Variants in ZFYVE28 observed in about 807,000 individuals in gnomAD.
ZFYVE28 encodes lateral signaling target protein 2 homolog.
Under a neutral mutation model 82.1 loss-of-function variants are expected in ZFYVE28, and 40 were observed. The ratio of observed to expected loss-of-function variants is 0.49; its 90% CI spans 0.38 to 0.63. The LOEUF (loss-of-function observed/expected upper bound fraction) is 0.63, where lower values mean the gene tolerates loss of function less well. Among genes scored for constraint, ZFYVE28 ranks in the 30% least tolerant of loss-of-function variants. ZFYVE28 has a pLI of 0.00. For synonymous variants in ZFYVE28, 612 were observed against 546.1 expected (o/e 1.12, Z -1.68); for missense variants, 1,321 against 1,242.1 (o/e 1.06, Z -0.96).
chr4:2,298,785 C>A (rs886963788), intron 8 of ZFYVE28, among the ~76,000 whole-genome samples: 9 of 152,346 alleles, frequency 5.9e-5, no homozygotes, highest in African/African-American at 2.2e-4. Context: ...AGCGCCCGGG[C>A]AGCCTTGACC....
rs1021028534 is a variant in ZFYVE28 at position 2,332,115 on chromosome 4, C to T, written c.701+3590G>A. ...GTGCTGGAGAAGGGACTGGGGCTCT[C>T]GGGCAGCAGCACAGTCACGGGCAGG... On this transcript the variant is annotated intron_variant, in intron 6 of 12. Transcript: ENST00000290974. The surrounding 1 kb of genome is among the most constrained non-coding windows in gnomAD (Gnocchi z 4.7). Among the ~76,000 whole-genome samples, 5 of 152,138 alleles carry T rather than the reference C, an allele frequency of 3.3e-5. No individual in the cohort carries two copies. Among genetic ancestry groups the T allele is most frequent in the South Asian group, 2.1e-4 (1 of 4,834 alleles).
chr4:2,409,130 C>G lies in ZFYVE28; in HGVS notation c.39+9155G>C, dbSNP rs1578421876. On this transcript the variant is annotated intron_variant, in intron 1 of 12. Coordinates refer to ENST00000290974, the MANE Select transcript of ZFYVE28 (RefSeq NM_020972.3). The surrounding 1 kb of genome is among the most constrained non-coding windows in gnomAD (Gnocchi z 4.4). ...ATTCCCCGTGGAGTTGCATGGCCAT[C>G]AAACACACTGTCCAAACCCCTACTT... is the stretch of plus-strand genomic sequence containing the variant. 6.6e-6 allele frequency among the ~76,000 whole-genome samples: 1 copy of G among 151,370 alleles called. No homozygotes were observed. Among genetic ancestry groups the G allele is most frequent in the African/African-American group, 2.4e-5 (1 of 41,090 alleles).
chr4:2,317,922 C>G (rs1487602538), intron 7 of ZFYVE28, among the ~76,000 whole-genome samples: 1 of 152,168 alleles, frequency 6.6e-6, no homozygotes, highest in East Asian at 1.9e-4. Flanking sequence ...CATGAGCCAC[C>G]GCGCCGGCCT....
At chr4:2,303,288 G>A (rs550604061) in intron 8 of ZFYVE28, among the ~76,000 whole-genome samples, 3 of 152,248 alleles carry the variant, frequency 2.0e-5, no homozygotes, top group East Asian at 1.9e-4. Flanking sequence ...GCGTCTGCCC[G>A]CCACCAAGAA....
In ZFYVE28 at chr4:2,404,397, C is replaced by T. The variant is rs544131711; in HGVS notation, c.39+13888G>A. On this transcript the variant is annotated intron_variant, in intron 1 of 12. Transcript: ENST00000290974. ...CCAAGAGAATCAAATTACAAAGACTCGAACACACACGCTCATGCCAGTGTC... is the reference window on the plus strand; with the variant it reads ...CCAAGAGAATCAAATTACAAAGACTTGAACACACACGCTCATGCCAGTGTC... Among the ~76,000 whole-genome samples, 28 of 151,786 alleles carry T rather than the reference C, an allele frequency of 1.8e-4. No homozygotes were observed. The South Asian group carries it at 4.6e-3, about 25-fold the overall frequency.
In ZFYVE28 at chr4:2,300,204, C is replaced by T. The variant is rs1577968339; in HGVS notation, c.2051+4085G>A. The stretch of plus-strand genomic sequence containing the variant: ...TTGCAGAAGGCAAAGGCTGGAAATC[C>T]ACTTCATGGTGTCCCTGGAAGGAAC... On this transcript the variant is annotated intron_variant, in intron 8 of 12. Coordinates refer to ENST00000290974, the MANE Select transcript of ZFYVE28 (RefSeq NM_020972.3). The surrounding 1 kb of genome is among the most constrained non-coding windows in gnomAD (Gnocchi z 4.6). Among the ~76,000 whole-genome samples the T allele has an allele frequency of 6.6e-6, 1 of 152,186 alleles. No individual in the cohort carries two copies. The highest frequency in any genetic ancestry group is 1.9e-4 in the East Asian group (1 of 5,206).
Position 2,341,380 on chromosome 4 carries a change from G to A in ZFYVE28, c.318+98C>T. ...ACGGAGCTCTTGGAGGAGACACCAG[G>A]TCCCGGCACCTGCAGGCGCCCATGC... On this transcript the variant is annotated intron_variant, in intron 3 of 12. Coordinates refer to ENST00000290974, the MANE Select transcript of ZFYVE28 (RefSeq NM_020972.3). The surrounding 1 kb of genome is among the most constrained non-coding windows in gnomAD (Gnocchi z 4.5). 6.6e-7 allele frequency: 1 copy of A among 1,510,114 alleles called. No individual in the cohort carries two copies. 93.5% of individuals were successfully genotyped at this position (1,510,114 alleles called of 1,614,324 possible). A position where few individuals can be genotyped will look rare whatever the true frequency, so the allele number is the denominator to read the frequency against.
Position 2,341,460 on chromosome 4 carries a change from CG to C in ZFYVE28, c.318+17del, listed in dbSNP as rs749495273. ...CACCCCACATCAGGACCTCCGAACC[CG>C]GGTGGCCACCCGCTACCTCGGCACC... On this transcript the variant is annotated intron_variant, in intron 3 of 12. Coordinates refer to ENST00000290974, the MANE Select transcript of ZFYVE28 (RefSeq NM_020972.3). This position sits in a 1 kb window ranked among gnomAD's most constrained non-coding sequence, Gnocchi z 4.5. The C allele has an allele frequency of 1.2e-6, 2 of 1,611,808 alleles. No individual in the cohort carries two copies. The highest frequency in any genetic ancestry group is 8.5e-7 in the Non-Finnish European group (1 of 1,179,720).
intron 8 of ZFYVE28, among the ~76,000 whole-genome samples, chr4:2,297,890 CAGTG>C (rs1714867554): frequency 7.7e-6 from 1 of 130,498 alleles, no homozygotes; most frequent in South Asian, 2.5e-4. Context: ...CGAGCGGTGA[CAGTG>C]GGGTGACACA....
intron 4 of ZFYVE28, among the ~76,000 whole-genome samples, chr4:2,338,075 T>C (rs543226759): frequency 6.6e-6 from 1 of 152,324 alleles, no homozygotes; most frequent in South Asian, 2.1e-4. Flanking sequence ...ATCCCCCACC[T>C]TGGCACCAGC....
chr4:2,379,728 C>T (rs1432009634), intron 1 of ZFYVE28, among the ~76,000 whole-genome samples: 2 of 152,170 alleles, frequency 1.3e-5, no homozygotes, highest in Non-Finnish European at 2.9e-5. Flanking sequence ...AATTTTTCTA[C>T]AACATATATA....
In ZFYVE28 at chr4:2,360,426, C is replaced by T. The variant is rs558788754; in HGVS notation, c.40-6353G>A. 9.3e-4 allele frequency among the ~76,000 whole-genome samples: 141 copies of T among 151,134 alleles called. 2 individuals are homozygous for T. The highest frequency in any genetic ancestry group is 3.4e-3 in the Middle Eastern group (1 of 292). On this transcript the variant is annotated intron_variant, in intron 1 of 12. Coordinates refer to ENST00000290974, the MANE Select transcript of ZFYVE28 (RefSeq NM_020972.3). ...ACACACACACACACACACACACACA[C>T]AGGCACGCACGCACACACAGAAACC... is the stretch of plus-strand genomic sequence containing the variant.
At chr4:2,397,471 CA>C (rs35358830) in intron 1 of ZFYVE28, among the ~76,000 whole-genome samples, 2,120 of 98,224 alleles carry the variant, frequency 0.022, 36 homozygotes, top group East Asian at 0.075. Context: ...GACTCGGTCT[CA>C]AAAAAAAAAA....
At chr4:2,291,175 G>A (rs1713622124) in intron 8 of ZFYVE28, among the ~76,000 whole-genome samples, 1 of 152,298 alleles carries the variant, frequency 6.6e-6, no homozygotes, top group East Asian at 1.9e-4. Flanking sequence ...AGAGGTGGGT[G>A]AAGTCAGCTG....
chr4:2,321,526 C>A (rs1719071266), intron 6 of ZFYVE28, among the ~76,000 whole-genome samples: 1 of 152,214 alleles, frequency 6.6e-6, no homozygotes, highest in African/African-American at 2.4e-5. Context: ...GGGGACAGCA[C>A]AACCAGCCTT....
At chr4:2,329,535 T>C (rs1720363987) in intron 6 of ZFYVE28, among the ~76,000 whole-genome samples, 1 of 152,234 alleles carries the variant, frequency 6.6e-6, no homozygotes, top group Non-Finnish European at 1.5e-5. Context: ...AAATCCTATA[T>C]ATTAGGTTGG....
chr4:2,402,784 G>A (rs768474577), intron 1 of ZFYVE28, among the ~76,000 whole-genome samples: 1 of 152,176 alleles, frequency 6.6e-6, no homozygotes, highest in Non-Finnish European at 1.5e-5. Flanking sequence ...ACCAGTGCTG[G>A]AATTTAAGCT....
At position 2,270,692 on chromosome 4, in the gene ZFYVE28, C is replaced by G. The variant is rs376414970; in HGVS notation, c.*33G>C. The stretch of plus-strand genomic sequence containing the variant: ...GCCCCACCTTCCTGGGGGTTCCTGG[C>G]CCGGGTGGGTTGGGGCTGCCCCTGG... On this transcript the variant is annotated 3_prime_UTR_variant, in exon 13 of 13. Coordinates refer to ENST00000290974, the MANE Select transcript of ZFYVE28 (RefSeq NM_020972.3). 6.2e-7 allele frequency: 1 copy of G among 1,611,882 alleles called. No homozygotes were observed.
At chr4:2,379,166 T>C (rs2108912335) in intron 1 of ZFYVE28, among the ~76,000 whole-genome samples, 1 of 152,298 alleles carries the variant, frequency 6.6e-6, no homozygotes, top group East Asian at 1.9e-4. Context: ...GCAGAACCCG[T>C]GCCAGAGAGC....
Sources: allele counts gnomAD v4.1 joint callset (sites outside exome capture counted in the v4.1 genomes callset), GRCh38; gene constraint gnomAD v4.1.1; non-coding constraint Gnocchi (gnomAD v3.1); transcripts MANE v1.5; gene names NCBI Gene and HGNC (gene_info 2026-07-23, HGNC 2026-07-21).